CPXM2: variants seen among roughly 807,000 people sequenced by gnomAD.
CPXM2 encodes the protein carboxypeptidase X, M14 family member 2, also known as inactive carboxypeptidase-like protein X2.
A neutral mutation model predicts 86.1 loss-of-function variants in CPXM2; 66 were observed. That is an observed-to-expected ratio of 0.77 (90% CI 0.63 to 0.94). The LOEUF (loss-of-function observed/expected upper bound fraction) is 0.94, where lower values mean the gene tolerates loss of function less well. Ranked by LOEUF, CPXM2 falls within the 40% of genes least tolerant of loss-of-function variation. The pLI is 0.00. For missense variants in CPXM2, 948 were observed against 1,026.3 expected (o/e 0.92, Z 1.04); for synonymous variants, 388 against 400.2 (o/e 0.97, Z 0.36).
At position 123,768,592 on chromosome 10, in the gene CPXM2, C is replaced by A. The variant is rs778945977; in HGVS notation, c.1233G>T (p.Val411=). The A allele has an allele frequency of 8.1e-6, 13 of 1,613,888 alleles. No individual in the cohort carries two copies. The East Asian group carries it at 2.9e-4, about 36-fold the overall frequency. The change falls in exon 9 of 14, where the codon GTG becomes GTT. Residue 411 remains valine (V), a synonymous_variant. Coordinates refer to ENST00000241305, the MANE Select transcript of CPXM2 (RefSeq NM_198148.3). Reference sequence around the variant, plus strand: ...GGAGGACGTGAATCCGCGTCTCCTCCACCAGGTGGACGATGCGCGCATTCC... The same window carrying A: ...GGAGGACGTGAATCCGCGTCTCCTCAACCAGGTGGACGATGCGCGCATTCC... ...LARNARIVHL[V]EETRIHVLPS...
At chr10:123,836,747 G>A (rs1471207819) in intron 4 of CPXM2, among the ~76,000 whole-genome samples, 1 of 152,200 alleles carries the variant, frequency 6.6e-6, no homozygotes, top group Non-Finnish European at 1.5e-5. Flanking sequence ...ACAGCCCTGA[G>A]CACTGCTCCC....
chr10:123,869,884 C>T (rs895337699), intron 2 of CPXM2, among the ~76,000 whole-genome samples: 1 of 152,052 alleles, frequency 6.6e-6, no homozygotes, highest in Non-Finnish European at 1.5e-5. Context: ...CCTTTGTGGC[C>T]CAGAAATTCC....
rs557484250 is a variant in CPXM2 at position 123,905,684 on chromosome 10, C to G, written n.175-25375G>C. 7.9e-5 allele frequency among the ~76,000 whole-genome samples: 12 copies of G among 152,242 alleles called. 1 individual carries two copies. In the East Asian group the frequency reaches 2.3e-3, roughly 29 times the overall value. On this transcript the variant is annotated intron_variant and non_coding_transcript_variant, in intron 2 of 19. Transcript: ENST00000368854. The stretch of plus-strand genomic sequence containing the variant: ...ACTGCTCCTTCCCACGCAGCTTCTC[C>G]CTATTCACGAAGCCGTCTCTGTGAT...
intron 2 of CPXM2, among the ~76,000 whole-genome samples, chr10:123,928,640 G>A (rs917988657): frequency 6.6e-6 from 1 of 152,218 alleles, no homozygotes; most frequent in Non-Finnish European, 1.5e-5. Flanking sequence ...ATGCTGTGAG[G>A]AAGCCCAAGC....
At chr10:123,866,105 C>A (rs1166475686) in intron 2 of CPXM2, among the ~76,000 whole-genome samples, 5 of 152,124 alleles carry the variant, frequency 3.3e-5, no homozygotes. Context: ...CCACCTTCCC[C>A]AGGGCAGTCT....
chr10:123,910,195 G>A (rs950668506), intron 2 of CPXM2, among the ~76,000 whole-genome samples: 5 of 152,070 alleles, frequency 3.3e-5, no homozygotes, highest in Admixed American at 6.5e-5. Context: ...CTCATCTCCC[G>A]ACTCAGCCTT....
At chr10:123,777,518 A>T (rs1266291234) in intron 7 of CPXM2, 2 of 132,994 alleles carry the variant, frequency 1.5e-5, no homozygotes, top group African/African-American at 2.9e-5. Context: ...CAACTTCCAG[A>T]AAGACAGCTC....
chr10:123,762,799 A>G lies in CPXM2; in HGVS notation c.1480-630T>C, dbSNP rs1846376195. ...ACATTGATCAGTGAAGCAAGTATTT[A>G]TCATAAATTGCTAATCCCTGTGAAG... On this transcript the variant is annotated intron_variant, in intron 10 of 13. Transcript: ENST00000241305. Among the ~76,000 whole-genome samples the G allele has an allele frequency of 2.0e-5, 3 of 152,376 alleles. No homozygotes were observed. In the South Asian group the frequency reaches 6.2e-4, roughly 32 times the overall value.
In CPXM2 at chr10:123,900,380, G is replaced by A. The variant is rs73368715; in HGVS notation, n.175-20071C>T. ...CCATGATACATAAGGAAGAAAGGGC[G>A]GACTCCTGATAGGAAAATGGGCAAA... is the stretch of plus-strand genomic sequence containing the variant. On this transcript the variant is annotated intron_variant and non_coding_transcript_variant, in intron 2 of 19. Transcript: ENST00000368854. Among the ~76,000 whole-genome samples, 586 of 152,270 alleles carry A rather than the reference G, an allele frequency of 3.8e-3. 2 individuals carry two copies. The highest frequency in any genetic ancestry group is 0.012 in the African/African-American group (502 of 41,560).
At position 123,937,002 on chromosome 10, in the gene CPXM2, C is replaced by T. The variant is rs574949801; in HGVS notation, n.174+2475G>A. ...GGGTTCTTACATCCCCCATCTCAATCAAATGAGGAAACTGAGGCTCAGAGA... is the reference window on the plus strand; with the variant it reads ...GGGTTCTTACATCCCCCATCTCAATTAAATGAGGAAACTGAGGCTCAGAGA... On this transcript the variant is annotated intron_variant and non_coding_transcript_variant, in intron 2 of 19. Coordinates refer to the CPXM2 transcript ENST00000368854. Among the ~76,000 whole-genome samples the T allele has an allele frequency of 1.5e-3, 229 of 152,338 alleles. 1 individual carries two copies. Among genetic ancestry groups the T allele is most frequent in the African/African-American group, 5.2e-3 (217 of 41,576 alleles).
chr10:123,926,236 T>G (rs1342805626), intron 2 of CPXM2, among the ~76,000 whole-genome samples: 1 of 152,194 alleles, frequency 6.6e-6, no homozygotes, highest in Non-Finnish European at 1.5e-5. Context: ...CGATACCGGG[T>G]CTTACCATGG....
rs1291350783 is a variant in CPXM2 at position 123,754,186 on chromosome 10, C to T, written c.2017+477G>A. Among the ~76,000 whole-genome samples the T allele has an allele frequency of 2.0e-5, 3 of 152,218 alleles. No individual in the cohort carries two copies. Among genetic ancestry groups the T allele is most frequent in the Non-Finnish European group, 4.4e-5 (3 of 68,044 alleles). ...ATCCTCTCTGGCCAGTCCCAACCCA[C>T]CCCTCCAGCTGTCCTCTTGCTGCTG... On this transcript the variant is annotated intron_variant, in intron 13 of 13. Coordinates refer to ENST00000241305, the MANE Select transcript of CPXM2 (RefSeq NM_198148.3). This position sits in a 1 kb window ranked among gnomAD's most constrained non-coding sequence, Gnocchi z 4.0.
chr10:123,896,187 C>T (rs567645093), upstream of CPXM2, among the ~76,000 whole-genome samples: 3 of 152,306 alleles, frequency 2.0e-5, no homozygotes, highest in Middle Eastern at 0.01. Flanking sequence ...CTTTTCACAC[C>T]TGCTCATTTC....
At chr10:123,804,662 A>T (rs1347481552) in intron 4 of CPXM2, among the ~76,000 whole-genome samples, 1 of 151,826 alleles carries the variant, frequency 6.6e-6, no homozygotes, top group Non-Finnish European at 1.5e-5. Context: ...CTTTATTTCC[A>T]GTCATTAGGT....
chr10:123,897,686 G>T (rs554782653), intron 2 of CPXM2, among the ~76,000 whole-genome samples: 8 of 152,344 alleles, frequency 5.3e-5, no homozygotes, highest in Non-Finnish European at 1.2e-4. Context: ...TAGAAGTTCT[G>T]GAGCTGCTTC....
intron 2 of CPXM2, among the ~76,000 whole-genome samples, chr10:123,918,109 A>C (rs556820675): frequency 6.6e-6 from 1 of 152,232 alleles, no homozygotes; most frequent in African/African-American, 2.4e-5. Flanking sequence ...CCAGGGATCT[A>C]AATATGTTGG....
chr10:123,891,839 C>A (rs990318397), upstream of CPXM2: 9 of 193,962 alleles, frequency 4.6e-5, no homozygotes, highest in African/African-American at 1.9e-4. This position sits in a 1 kb window ranked among gnomAD's most constrained non-coding sequence, Gnocchi z 5.6. Flanking sequence ...TGGGCTGGGC[C>A]GGGGCGGACA....
intron 6 of CPXM2, among the ~76,000 whole-genome samples, chr10:123,786,954 A>C (rs1044527501): frequency 1.2e-4 from 19 of 152,134 alleles, no homozygotes; most frequent in Non-Finnish European, 1.3e-4. Context: ...AAATGTATAA[A>C]TACTAAACCT....
intron 5 of CPXM2, among the ~76,000 whole-genome samples, chr10:123,798,868 A>T (rs530898644): frequency 6.6e-6 from 1 of 152,346 alleles, no homozygotes; most frequent in South Asian, 2.1e-4. Context: ...ATTACATAAA[A>T]GGCTGCATTC....
Sources: gnomAD v4.1 joint callset for allele counts (sites outside exome capture counted in the v4.1 genomes callset) on GRCh38, gnomAD v4.1.1 for gene constraint, Gnocchi (gnomAD v3.1) non-coding constraint, MANE v1.5 for transcripts, NCBI Gene and HGNC (gene_info 2026-07-23, HGNC 2026-07-21) for gene names.